TRIM37: variants seen among roughly 807,000 people sequenced by gnomAD.
TRIM37 encodes tripartite motif containing 37.
Under a neutral mutation model 129.8 loss-of-function variants are expected in TRIM37, and 80 were observed. The observed-to-expected ratio is 0.62, with a 90% CI of 0.51 to 0.74. The LOEUF is 0.74. Among genes scored for constraint, TRIM37 ranks in the 30% least tolerant of loss-of-function variants. TRIM37 has a pLI of 0.00. For synonymous variants in TRIM37, 389 were observed against 387.1 expected (o/e 1.00, Z -0.06); for missense variants, 1,054 against 1,176.5 (o/e 0.90, Z 1.52).
chr17:59,025,180 C>T (rs2037093886), intron 19 of TRIM37, among the ~76,000 whole-genome samples: 1 of 151,998 alleles, frequency 6.6e-6, no homozygotes, highest in Non-Finnish European at 1.5e-5. Context: ...AAACATGTTT[C>T]ATTCATTTGG....
chr17:58,970,428 C>A, the TRIM37 span, among the ~76,000 whole-genome samples: 1 of 151,600 alleles, frequency 6.6e-6, no homozygotes, highest in African/African-American at 2.4e-5. Flanking sequence ...TAACTGGGGA[C>A]GAATAAAAGA....
chr17:58,996,237 C>T (rs374610235), downstream of TRIM37, among the ~76,000 whole-genome samples: 4 of 151,614 alleles, frequency 2.6e-5, no homozygotes, highest in East Asian at 3.9e-4. Context: ...TTTGGGAGGC[C>T]GAGGCGGGTG....
chr17:59,081,298 A>C, intron 5 of TRIM37, 79 bp from the exon 6 acceptor site: 3 of 1,562,066 alleles, frequency 1.9e-6, no homozygotes, highest in Non-Finnish European at 2.6e-6. Flanking sequence ...CTCTATGGAC[A>C]CTAATAAACT....
chr17:59,100,976 C>T (rs899800162), intron 2 of TRIM37, among the ~76,000 whole-genome samples: 10 of 148,808 alleles, frequency 6.7e-5, no homozygotes, highest in African/African-American at 2.2e-4. Context: ...GAGCGGAGAT[C>T]GCGTCATTGC....
the TRIM37 span, among the ~76,000 whole-genome samples, chr17:58,969,206 C>A: frequency 6.6e-6 from 1 of 152,226 alleles, no homozygotes; most frequent in African/African-American, 2.4e-5. Flanking sequence ...CCTATCCCCC[C>A]TCCCCCAACT....
At chr17:59,077,586 C>G (rs1318571224) in intron 7 of TRIM37, among the ~76,000 whole-genome samples, 1 of 151,150 alleles carries the variant, frequency 6.6e-6, no homozygotes, top group Admixed American at 6.6e-5. Context: ...CCAAGGCAGA[C>G]AGATCACAAG....
intron 2 of TRIM37, among the ~76,000 whole-genome samples, chr17:59,099,290 G>A (rs191913702): frequency 4.6e-5 from 7 of 152,132 alleles, no homozygotes; most frequent in African/African-American, 1.2e-4. Flanking sequence ...CAGTAGTCTC[G>A]TAAGATTAGA....
chr17:58,996,756 G>A (rs2033040925), downstream of TRIM37, among the ~76,000 whole-genome samples: 1 of 148,050 alleles, frequency 6.8e-6, no homozygotes. Flanking sequence ...GCAACAGAGT[G>A]AGACTCCATC....
At chr17:59,056,367 A>G (rs2040868644) in intron 13 of TRIM37, among the ~76,000 whole-genome samples, 1 of 152,144 alleles carries the variant, frequency 6.6e-6, no homozygotes, top group Non-Finnish European at 1.5e-5. Context: ...TGCTAACTAG[A>G]TGTCAAAAAA....
At chr17:59,062,822 G>C (rs1230282300) in intron 10 of TRIM37, among the ~76,000 whole-genome samples, 174 bp from the exon 11 acceptor site, 1 of 151,966 alleles carries the variant, frequency 6.6e-6, no homozygotes, top group Non-Finnish European at 1.5e-5. Context: ...CTTACATCCT[G>C]AAATAAAGAA....
intron 17 of TRIM37, among the ~76,000 whole-genome samples, chr17:59,037,557 C>A (rs1335092525): frequency 5.3e-3 from 394 of 73,688 alleles, no homozygotes; most frequent in East Asian, 6.8e-3. Context: ...GACTCTGTCT[C>A]AAAAAAAAAA....
chr17:59,007,032 C>G (rs990871955), intron 22 of TRIM37, among the ~76,000 whole-genome samples: 3 of 152,020 alleles, frequency 2.0e-5, no homozygotes, highest in Non-Finnish European at 4.4e-5. Context: ...TCCTCTTCCA[C>G]TCCCAGAATG....
downstream of TRIM37, among the ~76,000 whole-genome samples, chr17:58,993,979 C>T (rs2032716951): frequency 4.6e-5 from 7 of 152,094 alleles, no homozygotes; most frequent in South Asian, 1.2e-3. Flanking sequence ...GAACTGTATA[C>T]AAGCACTGTA....
At chr17:59,044,118 G>T (rs1179561757) in intron 16 of TRIM37, among the ~76,000 whole-genome samples, 2 of 152,090 alleles carry the variant, frequency 1.3e-5, no homozygotes, top group African/African-American at 2.4e-5. Flanking sequence ...ACATAGTAAG[G>T]CAACATAGTG....
In TRIM37 at chr17:59,072,747, CA is replaced by C. The variant is rs34205408; in HGVS notation, c.685-1801del. Among the ~76,000 whole-genome samples the C allele has an allele frequency of 1.0e-2, 1,320 of 132,044 alleles. 14 individuals are homozygous for C. Among genetic ancestry groups the C allele is most frequent in the African/African-American group, 0.028 (960 of 34,744 alleles). The allele number at this position is 132,044 out of a possible 152,430, so 86.6% of individuals were successfully genotyped here. On this transcript the variant is annotated intron_variant, in intron 8 of 23. Transcript: ENST00000262294. The stretch of plus-strand genomic sequence containing the variant: ...TGGGCGACAAGGCAAGACTCTGTCT[CA>C]AAAAAAAAAAAAAGTATCATATATC...
chr17:59,057,074 CA>C lies in TRIM37; in HGVS notation c.1020-21del. On this transcript the variant is annotated intron_variant, in intron 12 of 23. Coordinates refer to ENST00000262294, the MANE Select transcript of TRIM37 (RefSeq NM_015294.6). ...TCATATCTAAAATTGAAAAACAGAC[CA>C]TTACTATACAGTTAGTAAAGTAAGA... 6.2e-7 allele frequency: 1 copy of C among 1,606,422 alleles called. No homozygotes were observed. Among genetic ancestry groups the C allele is most frequent in the Non-Finnish European group, 8.5e-7 (1 of 1,173,582 alleles).
chr17:58,992,644 T>C (rs1416393409), intron 24 of TRIM37, among the ~76,000 whole-genome samples: 9 of 152,110 alleles, frequency 5.9e-5, no homozygotes, highest in Admixed American at 5.9e-4. Context: ...CCTCCCAAAG[T>C]GCTGGGATTA....
intron 19 of TRIM37, among the ~76,000 whole-genome samples, chr17:59,026,386 G>C (rs2037249878): frequency 6.6e-6 from 1 of 152,080 alleles, no homozygotes; most frequent in Admixed American, 6.6e-5. Context: ...CAAAAGCACA[G>C]GGAACAAAAG....
intron 24 of TRIM37, chr17:58,983,057 G>A: frequency 1.3e-6 from 1 of 784,178 alleles, no homozygotes. Flanking sequence ...GAATAAAGAG[G>A]GTAAAGGGAA....
Sources: gnomAD v4.1 joint callset for allele counts (sites outside exome capture counted in the v4.1 genomes callset) on GRCh38, gnomAD v4.1.1 for gene constraint, MANE v1.5 for transcripts, NCBI Gene and HGNC (gene_info 2026-07-23, HGNC 2026-07-21) for gene names.